Variants in DOCK7 observed in about 807,000 individuals in gnomAD.
DOCK7 encodes dedicator of cytokinesis protein 7.
Under a neutral mutation model 271.0 loss-of-function variants are expected in DOCK7, and 138 were observed. The observed-to-expected ratio is 0.51, with a 90% CI of 0.44 to 0.59. DOCK7 has a LOEUF of 0.59. DOCK7 is among the 20% of genes least tolerant of loss of function. The pLI, the probability that DOCK7 is intolerant of heterozygous loss-of-function variation, is 0.00. For missense variants in DOCK7, 2,066 were observed against 2,592.4 expected, an observed-to-expected ratio of 0.80 and a Z score of 4.41; for synonymous variants, 823 against 876.1, an observed-to-expected ratio of 0.94 and a Z score of 1.07.
chr1:62,522,285 C>T (rs1016737281), intron 31 of DOCK7, among the ~76,000 whole-genome samples: 4 of 152,058 alleles, frequency 2.6e-5, no homozygotes, highest in African/African-American at 9.7e-5. Context: ...ATCTTAGGAA[C>T]ATACGTATAC....
intron 14 of DOCK7, chr1:62,601,139 G>A: frequency 6.2e-7 from 1 of 1,610,978 alleles, no homozygotes; most frequent in Non-Finnish European, 8.5e-7. Context: ...CAAGCCAAGA[G>A]CACCAAGAAC....
Position 62,483,317 on chromosome 1 carries a change from C to T in DOCK7, c.5508+4081G>A, listed in dbSNP as rs190038759. The T allele has an allele frequency of 8.2e-4, 124 of 150,774 alleles. 1 individual carries two copies. Among genetic ancestry groups the T allele is most frequent in the African/African-American group, 2.6e-3 (107 of 41,152 alleles). 9.3% of individuals were successfully genotyped at this position (150,774 alleles called of 1,614,324 possible). A position where few individuals can be genotyped will look rare whatever the true frequency, so the allele number is the denominator to read the frequency against. ...TAATGTTGGGATTACAGGTGTCAGCCACCATGCTGGGCTTTCATATCTTTC... is the reference window on the plus strand; with the variant it reads ...TAATGTTGGGATTACAGGTGTCAGCTACCATGCTGGGCTTTCATATCTTTC... On this transcript the variant is annotated intron_variant, in intron 43 of 49. Transcript: ENST00000635253.
At chr1:62,464,714 C>CAA (rs937632253) in intron 48 of DOCK7, among the ~76,000 whole-genome samples, 3 of 142,910 alleles carry the variant, frequency 2.1e-5, no homozygotes, top group Non-Finnish European at 3.1e-5. Flanking sequence ...ACAGACTGAC[C>CAA]AAAAAAAAAA....
intron 20 of DOCK7, among the ~76,000 whole-genome samples, chr1:62,558,099 A>G (rs979906980): frequency 3.9e-5 from 6 of 152,144 alleles, no homozygotes; most frequent in African/African-American, 1.2e-4. Flanking sequence ...TGGAAGACCC[A>G]ACTTCATCTC....
At chr1:62,604,146 C>G (rs1650581824) in intron 14 of DOCK7, 2 of 1,613,116 alleles carry the variant, frequency 1.2e-6, no homozygotes, top group Admixed American at 3.3e-5. Flanking sequence ...GGCAATGTCC[C>G]CAATGCAATC....
rs545564631 is a variant in DOCK7 at position 62,475,197 on chromosome 1, A to G, written c.6105+11T>C. 7.6e-5 allele frequency: 122 copies of G among 1,608,430 alleles called. No homozygotes were observed. The South Asian group carries it at 1.3e-3, about 17-fold the overall frequency. On this transcript the variant is annotated intron_variant, in intron 47 of 49. Transcript: ENST00000635253. ...AGCTTAAATCACACAGTGCTAGCAA[A>G]AAGCACTAACCTGATTCACTGTGGT...
At chr1:62,566,849 G>GA (rs1646531940) in intron 18 of DOCK7, among the ~76,000 whole-genome samples, 1 of 151,808 alleles carries the variant, frequency 6.6e-6, no homozygotes. Context: ...AAATTCACAA[G>GA]AAAAAAATAA....
chr1:62,499,114 T>C (rs1646706562), intron 37 of DOCK7, among the ~76,000 whole-genome samples: 1 of 152,206 alleles, frequency 6.6e-6, no homozygotes. Flanking sequence ...CTATTCCTTT[T>C]TGGAAACACT....
chr1:62,634,914 T>C lies in DOCK7; in HGVS notation c.894A>G (p.Glu298=), dbSNP rs1203898985. 6.3e-7 allele frequency: 1 copy of C among 1,595,558 alleles called. No individual in the cohort carries two copies. The highest frequency in any genetic ancestry group is 8.6e-7 in the Non-Finnish European group (1 of 1,168,798). ...CAGAATTAAGGTCAAAATAAAAGTT[T>C]TCTGAAATCTAAAAAATATTAGTAT... The part of the protein sequence containing the change: ...YDVKEKKKIS[E]NFYFDLNSEQ... The change falls in exon 9 of 50, where the codon GAA becomes GAG. Residue 298 remains glutamate, a synonymous_variant. Coordinates refer to ENST00000635253, the MANE Select transcript of DOCK7 (RefSeq NM_001367561.1).
At chr1:62,524,236 T>A (rs377633374) in intron 31 of DOCK7, among the ~76,000 whole-genome samples, 2 of 152,166 alleles carry the variant, frequency 1.3e-5, no homozygotes, top group African/African-American at 4.8e-5. Context: ...TTGATGAACA[T>A]GTGAAGGAAT....
In DOCK7 at chr1:62,542,646, AT is replaced by A. The variant is rs1645573837; in HGVS notation, c.3006del (p.Glu1002AspfsTer13). 6.2e-7 allele frequency: 1 copy of A among 1,613,054 alleles called. No homozygotes were observed. The highest frequency in any genetic ancestry group is 8.5e-7 in the Non-Finnish European group (1 of 1,179,440). The part of the protein sequence containing the change: ...QWVVCSGSVR[E>X]SALQQAWFFF... ...AAGAACCAGGCTTGTTGCAAAGCTG[AT>A]TCCCGAACGCTGCCACTGCAAACAA... On this transcript the variant is annotated frameshift_variant, in exon 25 of 50. Coordinates refer to ENST00000635253, the MANE Select transcript of DOCK7 (RefSeq NM_001367561.1). LOFTEE classifies it high-confidence loss of function.
At chr1:62,588,942 A>G (rs1446681667) in intron 14 of DOCK7, among the ~76,000 whole-genome samples, 1 of 152,056 alleles carries the variant, frequency 6.6e-6, no homozygotes, top group Non-Finnish European at 1.5e-5. Context: ...GAGTCTTACT[A>G]TGTTGCCCAG....
intron 23 of DOCK7, among the ~76,000 whole-genome samples, chr1:62,544,640 A>G (rs61775912): frequency 0.011 from 1,625 of 152,330 alleles, 12 homozygotes; most frequent in Non-Finnish European, 0.018. Flanking sequence ...TTGCTATTAA[A>G]GACGTGCTAC....
intron 15 of DOCK7, among the ~76,000 whole-genome samples, chr1:62,585,878 T>A (rs533317558): frequency 1.3e-5 from 2 of 152,162 alleles, no homozygotes; most frequent in African/African-American, 4.8e-5. Flanking sequence ...TGGTGAGACT[T>A]AAAAATACTG....
At chr1:62,460,190 G>C (rs181369102) in intron 48 of DOCK7, among the ~76,000 whole-genome samples, 1 of 150,888 alleles carries the variant, frequency 6.6e-6, no homozygotes, top group South Asian at 2.1e-4. Context: ...TCAAGGCTGG[G>C]ATACCAAAAC....
chr1:62,500,330 AG>A (rs1488683959), intron 37 of DOCK7, among the ~76,000 whole-genome samples: 1 of 152,188 alleles, frequency 6.6e-6, no homozygotes, highest in Non-Finnish European at 1.5e-5. Flanking sequence ...ATTACATGTG[AG>A]CTGGCAAAAG....
rs1192021097 is a variant in DOCK7 at position 62,552,764 on chromosome 1, C to G, written c.2734G>C (p.Asp912His). 1.9e-6 allele frequency: 3 copies of G among 1,612,952 alleles called. No homozygotes were observed. Among genetic ancestry groups the G allele is most frequent in the Non-Finnish European group, 1.7e-6 (2 of 1,179,530 alleles). ...CCGATGATTGATCGAACTTCATCAT[C>G]TGGTGACGTGGGAGTCCCAGATATA... ...PDISGTPTSP[D>H]DEVRSIIGSK... Residue 912 changes from aspartate to histidine, a missense_variant, in exon 22 of 50, where the codon GAT (aspartate) becomes CAT (histidine). This residue lies in a region of DOCK7 where 1,414 missense variants were observed against 1,670.4 expected (regional missense o/e 0.85). Coordinates refer to ENST00000635253, the MANE Select transcript of DOCK7 (RefSeq NM_001367561.1).
chr1:62,517,951 T>C (rs1452116384), intron 31 of DOCK7, among the ~76,000 whole-genome samples: 1 of 152,174 alleles, frequency 6.6e-6, no homozygotes. Context: ...CCAAACTTCC[T>C]TTGAGAAGAG....
intron 18 of DOCK7, among the ~76,000 whole-genome samples, chr1:62,575,321 C>G (rs112558304): frequency 9.5e-4 from 144 of 152,282 alleles, no homozygotes; most frequent in African/African-American, 3.3e-3. Context: ...TCTAAGATAG[C>G]AAGACCAATC....
Sources: gnomAD v4.1 joint callset for allele counts (sites outside exome capture counted in the v4.1 genomes callset) on GRCh38, gnomAD v4.1.1 for gene constraint, gnomAD v4.1.1 regional missense constraint, MANE v1.5 for transcripts, NCBI Gene and HGNC (gene_info 2026-07-23, HGNC 2026-07-21) for gene names.